Variants in EXOSC4 observed in about 807,000 individuals in gnomAD.
EXOSC4 encodes the protein exosome complex component RRP41.
In EXOSC4, 14 loss-of-function variants were observed where a neutral mutation model predicts 20.0. The observed-to-expected ratio is 0.70, with a 90% CI of 0.46 to 1.09. The LOEUF (loss-of-function observed/expected upper bound fraction) is 1.09, where lower values mean the gene tolerates loss of function less well. Ranked by LOEUF, EXOSC4 falls within the 50% of genes least tolerant of loss-of-function variation. The pLI is 0.00. For synonymous variants in EXOSC4, 148 were observed against 146.4 expected, an observed-to-expected ratio of 1.01 and a Z score of -0.08; for missense variants, 337 against 334.0, an observed-to-expected ratio of 1.01 and a Z score of -0.07.
the EXOSC4 span, among the ~76,000 whole-genome samples, chr8:144,068,697 T>C: frequency 6.6e-6 from 1 of 152,242 alleles, no homozygotes. Flanking sequence ...TCTGTGGTGC[T>C]TGAGCTCAGC....
chr8:144,068,957 G>T, the EXOSC4 span, among the ~76,000 whole-genome samples: 2 of 152,266 alleles, frequency 1.3e-5, no homozygotes, highest in Non-Finnish European at 2.9e-5. Context: ...CGGTGGCAGG[G>T]CTGGCTGCTG....
In EXOSC4 at chr8:144,078,955, G is replaced by A. The variant is rs1835867103; in HGVS notation, c.171+56G>A. On this transcript the variant is annotated intron_variant, in intron 1 of 2. Coordinates refer to ENST00000316052, the MANE Select transcript of EXOSC4 (RefSeq NM_019037.3). The surrounding 1 kb of genome is among the most constrained non-coding windows in gnomAD (Gnocchi z 4.7). Reference sequence around the variant, plus strand: ...TGGCCGTGGGAGCTGCGGGGCAGCCGGGCTGAGCGCTGGCTCGGGGACTTG... The same window carrying A: ...TGGCCGTGGGAGCTGCGGGGCAGCCAGGCTGAGCGCTGGCTCGGGGACTTG... The A allele has an allele frequency of 2.1e-6, 3 of 1,396,660 alleles. No individual in the cohort carries two copies. Among genetic ancestry groups the A allele is most frequent in the South Asian group, 3.2e-5 (2 of 61,824 alleles). The allele number at this position is 1,396,660 out of a possible 1,614,324, so 86.5% of individuals were successfully genotyped here. A position where few individuals can be genotyped will look rare whatever the true frequency, so the allele number is the denominator to read the frequency against.
chr8:144,068,011 T>C, the EXOSC4 span, among the ~76,000 whole-genome samples: 1 of 152,230 alleles, frequency 6.6e-6, no homozygotes, highest in South Asian at 2.1e-4. Context: ...ACGGAGTGGC[T>C]CTACGGCTAT....
At chr8:144,070,354 T>C in the EXOSC4 span, among the ~76,000 whole-genome samples, 1 of 151,644 alleles carries the variant, frequency 6.6e-6, no homozygotes, top group African/African-American at 2.4e-5. Flanking sequence ...AGAAACCCCG[T>C]CTCTAATAAA....
At position 144,078,827 on chromosome 8, in the gene EXOSC4, G is replaced by A. The variant is rs1554763079; in HGVS notation, c.99G>A (p.Ala33=). The change falls in exon 1 of 3, where the codon GCG becomes GCA. Residue 33 remains alanine (A), a synonymous_variant. Transcript: ENST00000316052. This position sits in a 1 kb window ranked among gnomAD's most constrained non-coding sequence, Gnocchi z 4.7. ...TCCAGGCGCGGATGGGCGTGTTCGC[G>A]CAGGCTGACGGCTCGGCCTACATTG... The part of the protein sequence containing the change: ...RKIQARMGVF[A]QADGSAYIEQ... The A allele has an allele frequency of 6.3e-7, 1 of 1,579,962 alleles. No individual in the cohort carries two copies. The highest frequency in any genetic ancestry group is 1.8e-5 in the Admixed American group (1 of 56,152).
chr8:144,066,530 C>T, the EXOSC4 span, among the ~76,000 whole-genome samples: 1 of 149,306 alleles, frequency 6.7e-6, no homozygotes, highest in Non-Finnish European at 1.5e-5. Flanking sequence ...CAACCTCCGA[C>T]TCCTGGGTTC....
At chr8:144,079,682 G>A (rs1172459283) in intron 1 of EXOSC4, 2 of 652,934 alleles carry the variant, frequency 3.1e-6, no homozygotes, top group Non-Finnish European at 5.7e-6. Context: ...TGAGTGTGTA[G>A]GTGAGACAGA....
In EXOSC4 at chr8:144,078,748, T is replaced by G. The variant is rs1554763042; in HGVS notation, c.20T>G (p.Leu7Trp). The G allele has an allele frequency of 6.7e-7, 1 of 1,484,644 alleles. No homozygotes were observed. The allele number at this position is 1,484,644 out of a possible 1,614,324, so 92.0% of individuals were successfully genotyped here. A position where few individuals can be genotyped will look rare whatever the true frequency, so the allele number is the denominator to read the frequency against. MAGLEL[L>W]SDQGYRVDGR... ...GGCAGCATGGCGGGGCTGGAGCTCT[T>G]GTCGGACCAGGGCTACCGGGTGGAC... Residue 7 changes from leucine to tryptophan, a missense_variant, in exon 1 of 3, where the codon TTG (leucine) becomes TGG (tryptophan). Physicochemically the swap from Leu to Trp is moderately conservative, Grantham distance 61. Transcript: ENST00000316052. The surrounding 1 kb of genome is among the most constrained non-coding windows in gnomAD (Gnocchi z 4.7).
At chr8:144,074,906 A>G (rs781826945), upstream of EXOSC4, among the ~76,000 whole-genome samples, 61 of 152,200 alleles carry the variant, frequency 4.0e-4, no homozygotes, top group Non-Finnish European at 6.0e-4. Context: ...TATGTGGAAG[A>G]AATTTGATAA....
the EXOSC4 span, among the ~76,000 whole-genome samples, chr8:144,072,748 G>C: frequency 6.6e-6 from 1 of 152,210 alleles, no homozygotes; most frequent in Non-Finnish European, 1.5e-5. Flanking sequence ...GTGGCTGAAA[G>C]GTATTCTATT....
the EXOSC4 span, among the ~76,000 whole-genome samples, chr8:144,065,699 C>CA: frequency 5.9e-5 from 9 of 152,142 alleles, no homozygotes; most frequent in African/African-American, 2.2e-4. Flanking sequence ...CGTGCCACTG[C>CA]ACTCCAGCCT....
chr8:144,065,717 A>C, the EXOSC4 span, among the ~76,000 whole-genome samples: 1 of 152,208 alleles, frequency 6.6e-6, no homozygotes, highest in Non-Finnish European at 1.5e-5. Context: ...CCTGGGCAAC[A>C]GAATAAGACT....
At chr8:144,074,271 C>G (rs1381470121), upstream of EXOSC4, among the ~76,000 whole-genome samples, 2 of 152,224 alleles carry the variant, frequency 1.3e-5, no homozygotes, top group Non-Finnish European at 2.9e-5. Flanking sequence ...TCAGTTACCC[C>G]CTCCCCTGCT....
At chr8:144,074,628 G>C (rs145096344), upstream of EXOSC4, among the ~76,000 whole-genome samples, 1 of 152,254 alleles carries the variant, frequency 6.6e-6, no homozygotes, top group East Asian at 1.9e-4. Context: ...GGAGTACCGT[G>C]GCACGATCAT....
At chr8:144,070,078 C>A in the EXOSC4 span, among the ~76,000 whole-genome samples, 2 of 152,202 alleles carry the variant, frequency 1.3e-5, no homozygotes, top group East Asian at 3.8e-4. Context: ...TGGCTCAGGG[C>A]CGGGCCAGTT....
the EXOSC4 span, among the ~76,000 whole-genome samples, chr8:144,069,010 C>T: frequency 5.9e-5 from 9 of 152,234 alleles, no homozygotes; most frequent in Non-Finnish European, 1.3e-4. Flanking sequence ...GGGAAAGTCA[C>T]GCCTAAGGTG....
At chr8:144,073,439 G>A in the EXOSC4 span, among the ~76,000 whole-genome samples, 110 of 152,238 alleles carry the variant, frequency 7.2e-4, no homozygotes, top group African/African-American at 2.2e-3. Context: ...GCAGCGATTC[G>A]TTCTTCCCAG....
At position 144,080,226 on chromosome 8, in the gene EXOSC4, C is replaced by T; in HGVS notation, c.379-16C>T. ...GGGAGGGAGTCTGATAGACTGACAC[C>T]CTGGGTTCCCTGCAGGTGCTACAGG... On this transcript the variant is annotated splice_polypyrimidine_tract_variant and intron_variant, in intron 2 of 2. Coordinates refer to ENST00000316052, the MANE Select transcript of EXOSC4 (RefSeq NM_019037.3). This position sits in a 1 kb window ranked among gnomAD's most constrained non-coding sequence, Gnocchi z 4.9. 6.2e-7 allele frequency: 1 copy of T among 1,611,324 alleles called. No homozygotes were observed. The highest frequency in any genetic ancestry group is 8.5e-7 in the Non-Finnish European group (1 of 1,178,194).
At chr8:144,076,369 G>A (rs1835835443), upstream of EXOSC4, among the ~76,000 whole-genome samples, 1 of 152,154 alleles carries the variant, frequency 6.6e-6, no homozygotes, top group South Asian at 2.1e-4. Flanking sequence ...AGTCTATAGT[G>A]AGTCCTTCTA....
Sources: gnomAD v4.1 joint callset for allele counts (sites outside exome capture counted in the v4.1 genomes callset) on GRCh38, gnomAD v4.1.1 for gene constraint, Gnocchi (gnomAD v3.1) non-coding constraint, MANE v1.5 for transcripts, NCBI Gene and HGNC (gene_info 2026-07-23, HGNC 2026-07-21) for gene names.